CSNK2A1: variants seen among roughly 807,000 people sequenced by gnomAD.
CSNK2A1 encodes the protein casein kinase 2 alpha 1.
In CSNK2A1, 10 loss-of-function variants were observed where a neutral mutation model predicts 62.9. The observed-to-expected ratio is 0.16, with a 90% confidence interval of 0.10 to 0.27. CSNK2A1 has a LOEUF of 0.27. CSNK2A1 is among the 10% of genes least tolerant of loss of function. The pLI, the probability that CSNK2A1 is intolerant of heterozygous loss-of-function variation, is 1.00. For missense variants in CSNK2A1, 160 were observed against 492.0 expected (o/e 0.33, Z 6.38); for synonymous variants, 124 against 167.8 (o/e 0.74, Z 2.02).
chr20:511,958 G>T (rs889228858), intron 2 of CSNK2A1, among the ~76,000 whole-genome samples: 1 of 152,104 alleles, frequency 6.6e-6, no homozygotes, highest in Non-Finnish European at 1.5e-5. Context: ...GGGCACGGTG[G>T]CTCACTCCTA....
At chr20:485,094 A>ATC (rs2018053076) in intron 13 of CSNK2A1, among the ~76,000 whole-genome samples, 1 of 48,120 alleles carries the variant, frequency 2.1e-5, no homozygotes, top group African/African-American at 7.2e-5. Context: ...AAAAAAAAAA[A>ATC]AAAAAAAAAA....
In CSNK2A1 at chr20:478,666, T is replaced by C. The variant is rs2017896694; in HGVS notation, c.*5295A>G. 2 of 432,820 alleles carry C rather than the reference T, an allele frequency of 4.6e-6. No homozygotes were observed. The highest frequency in any genetic ancestry group is 4.7e-4 in the Middle Eastern group (1 of 2,112). 26.8% of individuals were successfully genotyped at this position (432,820 alleles called of 1,614,324 possible). A position where few individuals can be genotyped will look rare whatever the true frequency, so the allele number is the denominator to read the frequency against. ...CTAGTGGGCCAGGTGTGGTGGCTCA[T>C]GCCTCTAATCTCAGCACTTTGGGAG... On this transcript the variant is annotated 3_prime_UTR_variant, in exon 14 of 14. Coordinates refer to ENST00000217244, the MANE Select transcript of CSNK2A1 (RefSeq NM_177559.3).
intron 10 of CSNK2A1, 97 bp downstream of exon 10, chr20:489,683 G>T: frequency 2.2e-6 from 2 of 921,180 alleles, no homozygotes; most frequent in Admixed American, 2.6e-5. Context: ...GATCAATATC[G>T]GGGTGGCTGA....
In CSNK2A1 at chr20:499,349, C is replaced by T. The variant is rs2018410641; in HGVS notation, c.316-44G>A. On this transcript the variant is annotated intron_variant, in intron 5 of 13. Coordinates refer to ENST00000217244, the MANE Select transcript of CSNK2A1 (RefSeq NM_177559.3). The surrounding 1 kb of genome is among the most constrained non-coding windows in gnomAD (Gnocchi z 4.2). ...AACAAAAACACACATTAGCAATAGC[C>T]CTGACAGCTTTAATGGGGACAATGT... The T allele has an allele frequency of 6.3e-7, 1 of 1,578,796 alleles. No homozygotes were observed. Among genetic ancestry groups the T allele is most frequent in the Non-Finnish European group, 8.6e-7 (1 of 1,158,472 alleles).
intron 8 of CSNK2A1, among the ~76,000 whole-genome samples, chr20:493,867 C>T (rs909584053): frequency 1.3e-5 from 2 of 152,122 alleles, no homozygotes; most frequent in African/African-American, 4.8e-5. Flanking sequence ...TTTTTTGAGA[C>T]TGCCTTTTTT....
intron 6 of CSNK2A1, chr20:498,964 T>C (rs763330195): frequency 1.4e-5 from 3 of 208,392 alleles, no homozygotes; most frequent in Middle Eastern, 1.7e-3. Context: ...AGATCCTAAG[T>C]GAACGTGTGT....
intron 2 of CSNK2A1, among the ~76,000 whole-genome samples, chr20:525,427 C>G (rs986604019): frequency 7.3e-5 from 11 of 150,088 alleles, no homozygotes; most frequent in Non-Finnish European, 1.3e-4. Context: ...CTGAGGCGGG[C>G]GGATCACGAG....
intron 2 of CSNK2A1, among the ~76,000 whole-genome samples, chr20:513,251 A>C (rs1030308090): frequency 2.0e-5 from 3 of 152,224 alleles, no homozygotes; most frequent in African/African-American, 7.2e-5. Context: ...TGTGGATCTC[A>C]AAGCCCTTTT....
At chr20:508,792 A>C (rs2018657556) in intron 2 of CSNK2A1, 132 bp from the exon 3 acceptor site, 20 of 428,854 alleles carry the variant, frequency 4.7e-5, no homozygotes, top group East Asian at 1.5e-4. Flanking sequence ...AATATAGCTC[A>C]ACTGTGTTAA....
At chr20:485,144 A>G (rs1290756134) in intron 13 of CSNK2A1, among the ~76,000 whole-genome samples, 4 of 112,524 alleles carry the variant, frequency 3.6e-5, no homozygotes, top group African/African-American at 1.3e-4. Context: ...ATATGAGAAC[A>G]TTATTATACA....
rs1184854280 is a variant in CSNK2A1, at chr20:483,215, AG to A, written c.*745del. On this transcript the variant is annotated 3_prime_UTR_variant, in exon 14 of 14. Transcript: ENST00000217244. ...ACCAAGGTAAGGAGCCTGGGAGGGAAGGTATCAACATTTTAAACTGAACTAA... is the reference window on the plus strand; with the variant it reads ...ACCAAGGTAAGGAGCCTGGGAGGGAAGTATCAACATTTTAAACTGAACTAA... 1 of 152,202 alleles carries A rather than the reference AG, an allele frequency of 6.6e-6. No individual in the cohort carries two copies. The highest frequency in any genetic ancestry group is 1.5e-5 in the Non-Finnish European group (1 of 68,030). 9.4% of individuals were successfully genotyped at this position (152,202 alleles called of 1,614,324 possible).
At position 479,159 on chromosome 20, in the gene CSNK2A1, G is replaced by C. The variant is rs2017907523; in HGVS notation, c.*4802C>G. 1.3e-5 allele frequency: 2 copies of C among 152,330 alleles called. No homozygotes were observed. The highest frequency in any genetic ancestry group is 1.3e-4 in the Admixed American group (2 of 15,286). 9.4% of individuals were successfully genotyped at this position (152,330 alleles called of 1,614,324 possible). Reference sequence around the variant, plus strand: ...CACTTTACTGCCACCTGCTGGAAAAGAGTCAGAAATTTTCCAAATGCAAAC... The same window carrying C: ...CACTTTACTGCCACCTGCTGGAAAACAGTCAGAAATTTTCCAAATGCAAAC... On this transcript the variant is annotated 3_prime_UTR_variant, in exon 14 of 14. Coordinates refer to ENST00000217244, the MANE Select transcript of CSNK2A1 (RefSeq NM_177559.3).
rs555783902 is a variant in CSNK2A1 at position 520,509 on chromosome 20, AT to A, written c.-110+7423del. On this transcript the variant is annotated intron_variant, in intron 2 of 13. Coordinates refer to ENST00000217244, the MANE Select transcript of CSNK2A1 (RefSeq NM_177559.3). The stretch of plus-strand genomic sequence containing the variant: ...ACATATATATATAAATATATTATGT[AT>A]TTTTTTCGAGATAGGGTCTGCCTCT... Among the ~76,000 whole-genome samples, 938 of 152,066 alleles carry A rather than the reference AT, an allele frequency of 6.2e-3. 15 individuals are homozygous for A. The highest frequency in any genetic ancestry group is 0.022 in the African/African-American group (893 of 41,498).
intron 11 of CSNK2A1, chr20:488,341 A>C (rs1485476215): frequency 4.2e-6 from 1 of 236,780 alleles, no homozygotes; most frequent in Non-Finnish European, 8.3e-6. Flanking sequence ...TTCTACTTCA[A>C]TTTCTTTCTC....
intron 4 of CSNK2A1, chr20:500,634 CTTT>C (rs11479834): frequency 1.1e-4 from 14 of 130,278 alleles, no homozygotes; most frequent in African/African-American, 2.1e-4. Context: ...CACCAATGCT[CTTT>C]TTTTTTTTTT....
At position 499,690 on chromosome 20, in the gene CSNK2A1, G is replaced by T; in HGVS notation, c.315+143C>A. 1.3e-6 allele frequency: 1 copy of T among 748,778 alleles called. No homozygotes were observed. The highest frequency in any genetic ancestry group is 2.3e-6 in the Non-Finnish European group (1 of 436,424). 46.4% of individuals were successfully genotyped at this position (748,778 alleles called of 1,614,324 possible). On this transcript the variant is annotated intron_variant, in intron 5 of 13. Transcript: ENST00000217244. This position sits in a 1 kb window ranked among gnomAD's most constrained non-coding sequence, Gnocchi z 4.2. The stretch of plus-strand genomic sequence containing the variant: ...CTCTTTGAAAGAAAGACCCAAGCTA[G>T]TTAAATGGTATATCTGATTAAGCAC...
At chr20:524,387 A>C (rs1218042079) in intron 2 of CSNK2A1, among the ~76,000 whole-genome samples, 1 of 149,146 alleles carries the variant, frequency 6.7e-6, no homozygotes, top group Non-Finnish European at 1.5e-5. Context: ...ACGCCATTGC[A>C]TTCCAGCCTG....
chr20:528,630 G>A (rs954179746), intron 1 of CSNK2A1, among the ~76,000 whole-genome samples: 3 of 150,380 alleles, frequency 2.0e-5, no homozygotes, highest in African/African-American at 7.4e-5. Context: ...TTTTTTCTGA[G>A]ATGTCTTTTG....
intron 2 of CSNK2A1, among the ~76,000 whole-genome samples, chr20:513,779 G>A (rs111624806): frequency 6.6e-6 from 1 of 152,174 alleles, no homozygotes; most frequent in East Asian, 1.9e-4. Flanking sequence ...GAAGCTTTGG[G>A]GCTCATCAAC....
Sources: allele counts gnomAD v4.1 joint callset (sites outside exome capture counted in the v4.1 genomes callset), GRCh38; gene constraint gnomAD v4.1.1; non-coding constraint Gnocchi (gnomAD v3.1); transcripts MANE v1.5; gene names NCBI Gene and HGNC (gene_info 2026-07-23, HGNC 2026-07-21).